PTPRG: variants seen among roughly 807,000 people sequenced by gnomAD.
The protein encoded by PTPRG is receptor-type tyrosine-protein phosphatase gamma.
A neutral mutation model predicts 165.3 loss-of-function variants in PTPRG; 102 were observed. The observed-to-expected ratio is 0.62, with a 90% CI of 0.53 to 0.73. The LOEUF is 0.73. Ranked by LOEUF, PTPRG falls within the 30% of genes least tolerant of loss-of-function variation. PTPRG has a pLI of 0.00. For synonymous variants in PTPRG, 675 were observed against 669.5 expected, an observed-to-expected ratio of 1.01 and a Z score of -0.13; for missense variants, 1,866 against 1,861.4, an observed-to-expected ratio of 1.00 and a Z score of -0.05.
chr3:61,703,109 T>G (rs1318108255), intron 1 of PTPRG, among the ~76,000 whole-genome samples: 1 of 152,184 alleles, frequency 6.6e-6, no homozygotes, highest in Non-Finnish European at 1.5e-5. Flanking sequence ...TGCCTGTAAT[T>G]TTAAAGCCTG....
At chr3:61,625,049 C>T (rs1472656372) in intron 1 of PTPRG, among the ~76,000 whole-genome samples, 1 of 151,786 alleles carries the variant, frequency 6.6e-6, no homozygotes, top group Non-Finnish European at 1.5e-5. Flanking sequence ...GTCATCTTCC[C>T]TTTACGCATA....
At chr3:61,891,258 G>A (rs763351060) in intron 2 of PTPRG, among the ~76,000 whole-genome samples, 41 of 152,012 alleles carry the variant, frequency 2.7e-4, no homozygotes, top group Non-Finnish European at 5.1e-4. Flanking sequence ...GCGTACCATT[G>A]CACTCCAGCC....
intron 4 of PTPRG, among the ~76,000 whole-genome samples, chr3:62,037,059 A>G (rs951838359): frequency 1.3e-5 from 2 of 152,102 alleles, no homozygotes; most frequent in Admixed American, 6.5e-5. Flanking sequence ...TAATGATAAT[A>G]ATCTTTGCTT....
intron 6 of PTPRG, among the ~76,000 whole-genome samples, chr3:62,149,318 G>T (rs1319490934): frequency 6.8e-6 from 1 of 146,710 alleles, no homozygotes; most frequent in African/African-American, 2.5e-5. Context: ...TCTGTCACCA[G>T]GCTGGAGTGC....
chr3:62,265,273 G>T (rs896416566), intron 17 of PTPRG, among the ~76,000 whole-genome samples: 2 of 152,048 alleles, frequency 1.3e-5, no homozygotes, highest in African/African-American at 4.8e-5. Flanking sequence ...CTCTAAATTT[G>T]TTCCTTTTTC....
At chr3:61,738,280 A>ACATGTGTATATATGTG (rs2032814080) in intron 1 of PTPRG, among the ~76,000 whole-genome samples, 1 of 13,228 alleles carries the variant, frequency 7.6e-5, no homozygotes, top group South Asian at 2.5e-3. Context: ...ATATATATAC[A>ACATGTGTATATATGTG]TATATATATA....
intron 1 of PTPRG, among the ~76,000 whole-genome samples, chr3:61,645,854 A>AC (rs1443213767): frequency 6.6e-6 from 1 of 152,198 alleles, no homozygotes; most frequent in African/African-American, 2.4e-5. Context: ...ATCTAGCCTA[A>AC]CCAGTGATCC....
At chr3:61,651,048 A>G (rs944201099) in intron 1 of PTPRG, among the ~76,000 whole-genome samples, 1 of 151,834 alleles carries the variant, frequency 6.6e-6, no homozygotes, top group African/African-American at 2.4e-5. Context: ...ATCTGTGTGT[A>G]TGTTTATATT....
intron 4 of PTPRG, among the ~76,000 whole-genome samples, chr3:62,051,772 G>A (rs964107172): frequency 6.6e-5 from 10 of 152,198 alleles, no homozygotes; most frequent in African/African-American, 1.9e-4. Context: ...TGATGTATAT[G>A]TTGCAGCCGG....
chr3:62,278,595 T>A (rs1702318015), intron 26 of PTPRG, among the ~76,000 whole-genome samples: 1 of 152,052 alleles, frequency 6.6e-6, no homozygotes, highest in Admixed American at 6.6e-5. Context: ...TTAATGAGTT[T>A]TTTAATCAAG....
chr3:62,243,872 A>C lies in PTPRG; in HGVS notation c.2441A>C (p.Glu814Ala). ...DSSSPRVVPN[E>A]SIPIIPIPDD... ...AGTTCACCTCGAGTGGTCCCTAATG[A>C]AAGTATCCCTATTATTCCTATTCCG... Residue 814 changes from glutamate to alanine, a missense_variant, in exon 15 of 30, where the codon GAA becomes GCA. By Grantham distance (107) the Glu-to-Ala change is moderately radical. This residue lies in a region of PTPRG where 1,452 missense variants were observed against 1,463.0 expected (regional missense o/e 0.99). Transcript: ENST00000474889. 1 of 1,573,442 alleles carries C rather than the reference A, an allele frequency of 6.4e-7. No homozygotes were observed. The highest frequency in any genetic ancestry group is 8.7e-7 in the Non-Finnish European group (1 of 1,143,784).
chr3:62,107,665 T>C (rs1702519663), intron 5 of PTPRG, among the ~76,000 whole-genome samples: 1 of 152,242 alleles, frequency 6.6e-6, no homozygotes, highest in African/African-American at 2.4e-5. Flanking sequence ...TATTTTGGTG[T>C]CTGAATACTG....
At chr3:62,178,634 A>G (rs1705527664) in intron 8 of PTPRG, among the ~76,000 whole-genome samples, 1 of 152,232 alleles carries the variant, frequency 6.6e-6, no homozygotes, top group African/African-American at 2.4e-5. Context: ...CACTCGTGTC[A>G]GGATGCTCTC....
chr3:61,715,195 T>C (rs529225864), intron 1 of PTPRG, among the ~76,000 whole-genome samples: 6 of 151,850 alleles, frequency 4.0e-5, no homozygotes, highest in African/African-American at 1.2e-4. Flanking sequence ...TTTTTTTTTT[T>C]CTTCCTTAAG....
intron 2 of PTPRG, among the ~76,000 whole-genome samples, chr3:61,878,436 T>C (rs183162586): frequency 6.6e-6 from 1 of 152,302 alleles, no homozygotes; most frequent in East Asian, 1.9e-4. Context: ...TGTTTGTTTT[T>C]AGTTTGCATT....
rs971275679 is a variant in PTPRG, at chr3:62,254,737, AC to A, written c.2468-386del. On this transcript the variant is annotated intron_variant, in intron 15 of 29. Coordinates refer to ENST00000474889, the MANE Select transcript of PTPRG (RefSeq NM_002841.4). This position sits in a 1 kb window ranked among gnomAD's most constrained non-coding sequence, Gnocchi z 4.6. Reference sequence around the variant, plus strand: ...TCCATTGAACAGCAATTAAAAAAAAACAACAACAACAACAACAAAGAAAACC... The same window carrying A: ...TCCATTGAACAGCAATTAAAAAAAAAAACAACAACAACAACAAAGAAAACC... Among the ~76,000 whole-genome samples, 3 of 148,582 alleles carry A rather than the reference AC, an allele frequency of 2.0e-5. No homozygotes were observed. Among genetic ancestry groups the A allele is most frequent in the South Asian group, 2.1e-4 (1 of 4,804 alleles).
In PTPRG at chr3:61,858,627, A is replaced by G. The variant is rs1009849269; in HGVS notation, c.190+109645A>G. Among the ~76,000 whole-genome samples, 9 of 152,172 alleles carry G rather than the reference A, an allele frequency of 5.9e-5. No individual in the cohort carries two copies. In the South Asian group the frequency reaches 6.2e-4, roughly 11 times the overall value. On this transcript the variant is annotated intron_variant, in intron 2 of 29. Transcript: ENST00000474889. ...TGTATGTATTTTTTAAAACAAGTAAATGGATGTTTAGTCTCTATTAGTACT... is the reference window on the plus strand; with the variant it reads ...TGTATGTATTTTTTAAAACAAGTAAGTGGATGTTTAGTCTCTATTAGTACT...
chr3:61,872,841 C>G (rs1047303553), intron 2 of PTPRG, among the ~76,000 whole-genome samples: 2 of 152,004 alleles, frequency 1.3e-5, no homozygotes, highest in Admixed American at 6.6e-5. Flanking sequence ...CAGAAGAATC[C>G]AGAAGTCATG....
rs188083883 is a variant in PTPRG, at chr3:61,945,642, C to T, written c.191-43983C>T. Among the ~76,000 whole-genome samples the T allele has an allele frequency of 1.5e-4, 23 of 149,470 alleles. No individual in the cohort carries two copies. The East Asian group carries it at 4.5e-3, about 29-fold the overall frequency. ...GGAAGATTGAGTGAACTCATCTGAG[C>T]CAGAAAGGATACATCTACAAATTTT... On this transcript the variant is annotated intron_variant, in intron 2 of 29. Coordinates refer to ENST00000474889, the MANE Select transcript of PTPRG (RefSeq NM_002841.4).
Sources: allele counts gnomAD v4.1 joint callset (sites outside exome capture counted in the v4.1 genomes callset), GRCh38; gene constraint gnomAD v4.1.1; regional missense constraint gnomAD v4.1.1; non-coding constraint Gnocchi (gnomAD v3.1); transcripts MANE v1.5; gene names NCBI Gene and HGNC (gene_info 2026-07-23, HGNC 2026-07-21).